Variants in TMEM163 observed in about 807,000 individuals in gnomAD.
TMEM163 encodes the protein transmembrane protein 163.
TMEM163 carries 17 observed loss-of-function variants against 29.3 expected under a neutral mutation model. The ratio of observed to expected loss-of-function variants is 0.58; its 90% CI spans 0.40 to 0.87. The LOEUF (loss-of-function observed/expected upper bound fraction) is 0.87. TMEM163 is among the 40% of genes least tolerant of loss of function. The probability of loss-of-function intolerance (pLI) is 0.00; values close to 1 mark genes in which losing one functional copy is unlikely to be tolerated. For synonymous variants in TMEM163, 157 were observed against 160.6 expected (o/e 0.98, Z 0.17); for missense variants, 303 against 381.5 (o/e 0.79, Z 1.71).
chr2:134,483,045 CA>C (rs1679229621), intron 5 of TMEM163, among the ~76,000 whole-genome samples: 1 of 152,020 alleles, frequency 6.6e-6, no homozygotes, highest in Non-Finnish European at 1.5e-5. Flanking sequence ...CACAGGAAGC[CA>C]CAGCAAAAGG....
intron 4 of TMEM163, among the ~76,000 whole-genome samples, chr2:134,545,933 A>G (rs1226230622): frequency 2.0e-5 from 3 of 152,092 alleles, no homozygotes; most frequent in African/African-American, 4.8e-5. Context: ...TGGCTACTTT[A>G]TTCTCTCTTC....
At chr2:134,578,064 TAAA>T (rs993659649) in intron 2 of TMEM163, among the ~76,000 whole-genome samples, 1 of 152,134 alleles carries the variant, frequency 6.6e-6, no homozygotes, top group African/African-American at 2.4e-5. Flanking sequence ...ACTTCTATCA[TAAA>T]AAAAGAAATG....
chr2:134,695,283 G>A (rs549241000), intron 2 of TMEM163, among the ~76,000 whole-genome samples: 13 of 152,086 alleles, frequency 8.5e-5, no homozygotes, highest in African/African-American at 2.9e-4. Flanking sequence ...TCACCATGTT[G>A]GCCAGGCTGG....
intron 4 of TMEM163, among the ~76,000 whole-genome samples, chr2:134,517,844 G>T (rs888586979): frequency 6.6e-6 from 1 of 152,074 alleles, no homozygotes; most frequent in African/African-American, 2.4e-5. Flanking sequence ...TGAACCATAG[G>T]TATTATTTAC....
At chr2:134,713,772 C>A (rs1325922400) in intron 1 of TMEM163, among the ~76,000 whole-genome samples, 1 of 152,228 alleles carries the variant, frequency 6.6e-6, no homozygotes, top group Non-Finnish European at 1.5e-5. Flanking sequence ...ACAGTCCCAA[C>A]TGGTGGACTG....
chr2:134,466,047 A>T, intron 6 of TMEM163, 67 bp downstream of exon 6: 1 of 1,163,726 alleles, frequency 8.6e-7, no homozygotes, highest in Non-Finnish European at 1.2e-6. Flanking sequence ...ACTAAAAGAG[A>T]CCCAAACAGC....
intron 4 of TMEM163, among the ~76,000 whole-genome samples, chr2:134,519,590 T>C (rs1182319777): frequency 6.6e-6 from 1 of 151,872 alleles, no homozygotes; most frequent in Non-Finnish European, 1.5e-5. Flanking sequence ...GGGGTGCCTG[T>C]AGTCGCAGCT....
At chr2:134,519,496 G>A (rs1680145806) in intron 4 of TMEM163, among the ~76,000 whole-genome samples, 1 of 152,124 alleles carries the variant, frequency 6.6e-6, no homozygotes, top group Non-Finnish European at 1.5e-5. Flanking sequence ...CAGATCATGA[G>A]GTCAGGAGAT....
At chr2:134,578,296 T>C (rs1480583451) in intron 2 of TMEM163, among the ~76,000 whole-genome samples, 1 of 152,172 alleles carries the variant, frequency 6.6e-6, no homozygotes, top group Non-Finnish European at 1.5e-5. Flanking sequence ...ATGTGCCCCA[T>C]TTCAAAAGGA....
At chr2:134,535,726 TTTG>T (rs1049671186) in intron 4 of TMEM163, among the ~76,000 whole-genome samples, 10 of 130,062 alleles carry the variant, frequency 7.7e-5, no homozygotes, top group Admixed American at 2.1e-4. Context: ...GGTTTTTTTT[TTTG>T]TTTGTTTGTT....
intron 2 of TMEM163, among the ~76,000 whole-genome samples, chr2:134,676,731 A>G (rs1684123654): frequency 6.6e-6 from 1 of 152,144 alleles, no homozygotes; most frequent in South Asian, 2.1e-4. Context: ...CTATACATTT[A>G]CCTATTCTGG....
At chr2:134,575,843 G>A (rs957077655) in intron 2 of TMEM163, among the ~76,000 whole-genome samples, 10 of 152,084 alleles carry the variant, frequency 6.6e-5, no homozygotes, top group Admixed American at 1.3e-4. Flanking sequence ...AAGTCAAAAC[G>A]AGGCATGTCT....
At chr2:134,465,733 T>C (rs1227933520) in intron 6 of TMEM163, among the ~76,000 whole-genome samples, 2 of 152,312 alleles carry the variant, frequency 1.3e-5, no homozygotes, top group East Asian at 3.9e-4. Flanking sequence ...AAAACAAGCA[T>C]GGAGAATTCA....
chr2:134,482,929 C>A (rs1292730592), intron 5 of TMEM163, among the ~76,000 whole-genome samples: 1 of 152,120 alleles, frequency 6.6e-6, no homozygotes, highest in Non-Finnish European at 1.5e-5. Flanking sequence ...TGGTCCCCGG[C>A]ATTTTCTGGC....
At chr2:134,565,470 G>A (rs1681280803) in intron 2 of TMEM163, among the ~76,000 whole-genome samples, 1 of 152,070 alleles carries the variant, frequency 6.6e-6, no homozygotes, top group Admixed American at 6.5e-5. Context: ...GCCAGGCGTG[G>A]TGGCAGGAGC....
At chr2:134,639,464 T>C (rs570152306) in intron 2 of TMEM163, among the ~76,000 whole-genome samples, 4 of 152,348 alleles carry the variant, frequency 2.6e-5, no homozygotes, top group South Asian at 2.1e-4. Context: ...TCTGGTTCCA[T>C]TTCCCATTTT....
chr2:134,717,194 A>G (rs1685055191), intron 1 of TMEM163, among the ~76,000 whole-genome samples: 2 of 152,198 alleles, frequency 1.3e-5, no homozygotes, highest in African/African-American at 2.4e-5. Flanking sequence ...ATGACCTGCA[A>G]TGCTACAAAA....
At chr2:134,487,694 A>G (rs1298314779) in intron 5 of TMEM163, among the ~76,000 whole-genome samples, 1 of 152,224 alleles carries the variant, frequency 6.6e-6, no homozygotes, top group East Asian at 1.9e-4. Flanking sequence ...GGACCCACGC[A>G]TCCACAGAAT....
chr2:134,494,157 A>T (rs1679494030), intron 5 of TMEM163, among the ~76,000 whole-genome samples: 1 of 152,160 alleles, frequency 6.6e-6, no homozygotes, highest in Admixed American at 6.5e-5. Context: ...ATCAGTGCCC[A>T]GTTCTATTCT....
Sources: allele counts gnomAD v4.1 joint callset (sites outside exome capture counted in the v4.1 genomes callset), GRCh38; gene constraint gnomAD v4.1.1; transcripts MANE v1.5; gene names NCBI Gene and HGNC (gene_info 2026-07-23, HGNC 2026-07-21).